The following ADCY5 variants were observed in gnomAD, a reference collection of about 807,000 sequenced individuals.
ADCY5 encodes adenylate cyclase 5.
Under a neutral mutation model 119.7 loss-of-function variants are expected in ADCY5, and 30 were observed. The ratio of observed to expected loss-of-function variants is 0.25; its 90% CI spans 0.19 to 0.34. The LOEUF is 0.34. Among genes scored for constraint, ADCY5 ranks in the 10% least tolerant of loss-of-function variants. ADCY5 has a pLI of 1.00. For missense variants in ADCY5, 1,324 were observed against 1,775.2 expected (o/e 0.75, Z 4.57); for synonymous variants, 753 against 762.2 (o/e 0.99, Z 0.20).
At chr3:123,354,923 T>G (rs1432175989) in intron 1 of ADCY5, among the ~76,000 whole-genome samples, 1 of 152,224 alleles carries the variant, frequency 6.6e-6, no homozygotes, top group Non-Finnish European at 1.5e-5. Flanking sequence ...ATTTTTAAAC[T>G]TACCAACTTA....
chr3:123,372,189 G>A (rs1203875670), intron 1 of ADCY5, among the ~76,000 whole-genome samples: 2 of 152,176 alleles, frequency 1.3e-5, no homozygotes, highest in East Asian at 1.9e-4. Flanking sequence ...TTCTCTGCTC[G>A]AGGGCCCTAA....
intron 1 of ADCY5, among the ~76,000 whole-genome samples, chr3:123,432,054 T>G (rs933929510): frequency 1.3e-5 from 2 of 152,116 alleles, no homozygotes; most frequent in African/African-American, 4.8e-5. Context: ...CACCTTAAGC[T>G]CTGACGGACT....
At chr3:123,294,576 A>G (rs1421459034) in intron 17 of ADCY5, among the ~76,000 whole-genome samples, 1 of 152,184 alleles carries the variant, frequency 6.6e-6, no homozygotes, top group African/African-American at 2.4e-5. Flanking sequence ...GAGTCTGGAC[A>G]TGGGTCTGAA....
intron 1 of ADCY5, among the ~76,000 whole-genome samples, chr3:123,368,406 G>C (rs974865162): frequency 6.6e-6 from 1 of 152,192 alleles, no homozygotes; most frequent in Non-Finnish European, 1.5e-5. Context: ...GACCAGCCTG[G>C]CCAACATGGC....
intron 1 of ADCY5, among the ~76,000 whole-genome samples, chr3:123,440,895 T>C (rs751226910): frequency 1.3e-5 from 2 of 152,196 alleles, no homozygotes; most frequent in African/African-American, 2.4e-5. Context: ...CCACCACCAC[T>C]ATGACCCAAT....
chr3:123,440,289 A>C (rs1393717330), intron 1 of ADCY5, among the ~76,000 whole-genome samples: 1 of 152,194 alleles, frequency 6.6e-6, no homozygotes, highest in Non-Finnish European at 1.5e-5. Flanking sequence ...GGCAGAGGGG[A>C]CCATGAAAGT....
chr3:123,359,558 G>A (rs762413050), intron 1 of ADCY5, among the ~76,000 whole-genome samples: 46 of 151,404 alleles, frequency 3.0e-4, no homozygotes, highest in Admixed American at 6.6e-4. Context: ...AGACTGCAGC[G>A]TTTTCCGTGT....
At chr3:123,332,736 T>G in intron 3 of ADCY5, 61 bp from the exon 4 acceptor site, 2 of 1,101,258 alleles carry the variant, frequency 1.8e-6, no homozygotes, top group Non-Finnish European at 2.7e-6. Flanking sequence ...TCTCCCAAAT[T>G]CATACATTAC....
chr3:123,308,740 A>T (rs6764737), intron 12 of ADCY5, among the ~76,000 whole-genome samples: 3,989 of 152,228 alleles, frequency 0.026, 189 homozygotes, highest in African/African-American at 0.09. Flanking sequence ...GAGGTAGGAG[A>T]ATGGCGTGAA....
chr3:123,313,679 A>AG (rs561729605), intron 12 of ADCY5, among the ~76,000 whole-genome samples: 31 of 152,190 alleles, frequency 2.0e-4, no homozygotes, highest in Non-Finnish European at 3.8e-4. Flanking sequence ...GAGATATGGG[A>AG]GAAAAACTCA....
intron 2 of ADCY5, among the ~76,000 whole-genome samples, chr3:123,350,570 G>A (rs1203323500): frequency 6.6e-6 from 1 of 152,210 alleles, no homozygotes; most frequent in East Asian, 1.9e-4. Context: ...GGGGGCCGCT[G>A]AGGAACAATT....
Position 123,289,745 on chromosome 3 carries a change from C to G in ADCY5, c.3532+5G>C. ...GGGCTCAGCACTCCCTGGGCCCCCA[C>G]TCACCGATCTTCATCTGGAAGTTGT... On this transcript the variant is annotated splice_donor_5th_base_variant and intron_variant, in intron 19 of 20. Transcript: ENST00000462833. 4.3e-6 allele frequency: 7 copies of G among 1,613,248 alleles called. No homozygotes were observed. Among genetic ancestry groups the G allele is most frequent in the Non-Finnish European group, 5.9e-6 (7 of 1,179,982 alleles).
At chr3:123,419,874 TC>T (rs1474917792) in intron 1 of ADCY5, among the ~76,000 whole-genome samples, 1 of 151,862 alleles carries the variant, frequency 6.6e-6, no homozygotes, top group Non-Finnish European at 1.5e-5. Flanking sequence ...ACCTTGCACT[TC>T]CCCCGTGCTC....
At chr3:123,303,331 A>C in intron 13 of ADCY5, 112 bp from the exon 14 acceptor site, 1 of 1,167,602 alleles carries the variant, frequency 8.6e-7, no homozygotes, top group Non-Finnish European at 1.2e-6. Context: ...CAGGTGCAGC[A>C]TGACACTGAT....
intron 5 of ADCY5, among the ~76,000 whole-genome samples, chr3:123,329,348 A>G (rs1941650688): frequency 6.6e-6 from 1 of 152,194 alleles, no homozygotes; most frequent in African/African-American, 2.4e-5. Context: ...GAGCCTGGGC[A>G]GGTGCAGGGG....
chr3:123,349,226 C>T (rs1942718944), intron 2 of ADCY5, among the ~76,000 whole-genome samples: 1 of 152,248 alleles, frequency 6.6e-6, no homozygotes, highest in Non-Finnish European at 1.5e-5. Flanking sequence ...ATTTCCCTGC[C>T]TTTGCCTGGG....
chr3:123,375,233 G>A lies in ADCY5; in HGVS notation c.1135-22652C>T, dbSNP rs1283816147. 2.0e-5 allele frequency among the ~76,000 whole-genome samples: 3 copies of A among 152,244 alleles called. No individual in the cohort carries two copies. In the South Asian group the frequency reaches 6.2e-4, roughly 31 times the overall value. On this transcript the variant is annotated intron_variant, in intron 1 of 20. Transcript: ENST00000462833. ...GGAGGACTCATTTATCTTCCAGTCT[G>A]TGTGTGTGAAAGTATGCATGAGTGT...
At position 123,353,240 on chromosome 3, in the gene ADCY5, T is replaced by C. The variant is rs188397052; in HGVS notation, c.1135-659A>G. Among the ~76,000 whole-genome samples, 332 of 152,350 alleles carry C rather than the reference T, an allele frequency of 2.2e-3. 1 individual carries two copies. The highest frequency in any genetic ancestry group is 6.8e-3 in the African/African-American group (282 of 41,572). On this transcript the variant is annotated intron_variant, in intron 1 of 20. Coordinates refer to ENST00000462833, the MANE Select transcript of ADCY5 (RefSeq NM_183357.3). The stretch of plus-strand genomic sequence containing the variant: ...CCCGCTCCCCAACAACTGAGATGTG[T>C]GTGTGGAAAAACACCACTGACCCTC...
chr3:123,399,065 C>T (rs113938793), intron 1 of ADCY5, among the ~76,000 whole-genome samples: 2,624 of 152,288 alleles, frequency 0.017, 73 homozygotes, highest in African/African-American at 0.06. Flanking sequence ...CAAGCTTCAG[C>T]CCCGCACTGG....
Sources: gnomAD v4.1 joint callset for allele counts (sites outside exome capture counted in the v4.1 genomes callset) on GRCh38, gnomAD v4.1.1 for gene constraint, MANE v1.5 for transcripts, NCBI Gene and HGNC (gene_info 2026-07-23, HGNC 2026-07-21) for gene names.